The following GRM8 variants were observed in gnomAD, a reference collection of about 807,000 sequenced individuals.
GRM8 encodes the protein glutamate metabotropic receptor 8.
GRM8 carries 47 observed loss-of-function variants against 87.2 expected under a neutral mutation model. The ratio of observed to expected loss-of-function variants is 0.54; its 90% CI spans 0.43 to 0.69. The LOEUF (loss-of-function observed/expected upper bound fraction) is 0.69, where lower values mean the gene tolerates loss of function less well. GRM8 is among the 30% of genes least tolerant of loss of function. The probability of loss-of-function intolerance (pLI) is 0.00; values close to 1 mark genes in which losing one functional copy is unlikely to be tolerated. For missense variants in GRM8, 1,019 were observed against 1,139.2 expected (o/e 0.89, Z 1.52); for synonymous variants, 396 against 404.5 (o/e 0.98, Z 0.25).
At chr7:126,987,861 A>G (rs955253344) in intron 3 of GRM8, among the ~76,000 whole-genome samples, 11 of 152,170 alleles carry the variant, frequency 7.2e-5, no homozygotes, top group Non-Finnish European at 1.6e-4. Context: ...CTTCTTATCA[A>G]ATTACAACAC....
chr7:127,020,890 T>A (rs1473593333), intron 3 of GRM8, among the ~76,000 whole-genome samples: 1 of 152,020 alleles, frequency 6.6e-6, no homozygotes, highest in African/African-American at 2.4e-5. Context: ...AGATAGGAAA[T>A]TAAAGCTCCT....
At chr7:126,844,327 G>A (rs1446768937) in intron 6 of GRM8, among the ~76,000 whole-genome samples, 1 of 152,162 alleles carries the variant, frequency 6.6e-6, no homozygotes, top group Non-Finnish European at 1.5e-5. Flanking sequence ...GTGGGTCCAA[G>A]AATCTGTATT....
rs562992808 is a variant in GRM8, at chr7:126,493,130, C to G, written c.2430+39822G>C. Among the ~76,000 whole-genome samples, 9 of 152,062 alleles carry G rather than the reference C, an allele frequency of 5.9e-5. No homozygotes were observed. In the South Asian group the frequency reaches 1.9e-3, roughly 32 times the overall value. ...AACATTTTCATCTAGTAAAACTGCT[C>G]CACTATGGAATCCCCTTTCCCTTTT... On this transcript the variant is annotated intron_variant, in intron 9 of 10. Coordinates refer to ENST00000339582, the MANE Select transcript of GRM8 (RefSeq NM_000845.3).
intron 3 of GRM8, among the ~76,000 whole-genome samples, chr7:127,049,394 G>C (rs1819246893): frequency 6.6e-6 from 1 of 152,140 alleles, no homozygotes. Flanking sequence ...TATTCGTGTT[G>C]AGTTTGTAAA....
chr7:126,683,408 C>G (rs952984951), intron 7 of GRM8, among the ~76,000 whole-genome samples: 12 of 152,208 alleles, frequency 7.9e-5, no homozygotes, highest in African/African-American at 2.9e-4. Flanking sequence ...AGCTAAGGAG[C>G]TGAAACTCTT....
intron 3 of GRM8, among the ~76,000 whole-genome samples, chr7:127,047,134 T>A (rs887269936): frequency 3.9e-5 from 6 of 152,276 alleles, no homozygotes; most frequent in Admixed American, 6.5e-5. Flanking sequence ...CTGTTAAAAA[T>A]TTTTTTTAAA....
At chr7:127,147,689 G>A (rs1339024204) in intron 2 of GRM8, among the ~76,000 whole-genome samples, 3 of 151,996 alleles carry the variant, frequency 2.0e-5, no homozygotes, top group Non-Finnish European at 4.4e-5. Context: ...ATTAACCAAT[G>A]TAACTAATGC....
chr7:126,915,571 T>C (rs1358023274), intron 3 of GRM8, among the ~76,000 whole-genome samples: 2 of 152,172 alleles, frequency 1.3e-5, no homozygotes, highest in East Asian at 1.9e-4. Context: ...CTCACCACAA[T>C]AGAAATGAAT....
At chr7:126,617,240 G>A (rs1260258354) in intron 7 of GRM8, among the ~76,000 whole-genome samples, 5 of 152,128 alleles carry the variant, frequency 3.3e-5, no homozygotes, top group East Asian at 1.9e-4. Context: ...ATCAATAAAC[G>A]TAATCCAGCA....
At chr7:126,599,946 GAATA>G (rs1421221825) in intron 8 of GRM8, among the ~76,000 whole-genome samples, 3 of 152,202 alleles carry the variant, frequency 2.0e-5, no homozygotes, top group Admixed American at 6.6e-5. Context: ...TTTACAAAAT[GAATA>G]TATGAATGGA....
chr7:127,232,210 T>TGA (rs1341192007), intron 2 of GRM8, among the ~76,000 whole-genome samples: 29 of 146,104 alleles, frequency 2.0e-4, no homozygotes, highest in East Asian at 1.2e-3. Flanking sequence ...TGTGTGTGTG[T>TGA]GTGAGAGAGA....
intron 8 of GRM8, among the ~76,000 whole-genome samples, chr7:126,604,802 G>A (rs1381148920): frequency 6.6e-6 from 1 of 152,116 alleles, no homozygotes; most frequent in Non-Finnish European, 1.5e-5. Flanking sequence ...TATCCTGTCA[G>A]AAGTTTTTCT....
chr7:127,029,813 G>T (rs1016464718), intron 3 of GRM8, among the ~76,000 whole-genome samples: 5 of 151,814 alleles, frequency 3.3e-5, no homozygotes, highest in Admixed American at 3.3e-4. Flanking sequence ...GAGATGGGGA[G>T]CCTCCTTGTT....
chr7:127,155,811 T>A (rs1486781094), intron 2 of GRM8, among the ~76,000 whole-genome samples: 2 of 152,140 alleles, frequency 1.3e-5, no homozygotes, highest in African/African-American at 4.8e-5. Context: ...ATGAAATCAG[T>A]CCTGTCCTCC....
At chr7:126,545,656 ATG>A (rs1817064626) in intron 8 of GRM8, among the ~76,000 whole-genome samples, 1 of 152,178 alleles carries the variant, frequency 6.6e-6, no homozygotes, top group African/African-American at 2.4e-5. Context: ...TATGACTTAA[ATG>A]TTATACATAA....
At chr7:126,493,879 A>T (rs1160860398) in intron 9 of GRM8, among the ~76,000 whole-genome samples, 1 of 152,006 alleles carries the variant, frequency 6.6e-6, no homozygotes, top group Non-Finnish European at 1.5e-5. Context: ...GGCACTAGGA[A>T]TGCGTAACTC....
intron 3 of GRM8, among the ~76,000 whole-genome samples, chr7:126,968,509 G>C (rs1482681091): frequency 1.3e-5 from 2 of 152,074 alleles, no homozygotes; most frequent in African/African-American, 4.8e-5. Flanking sequence ...AGCATTAAAT[G>C]GTTAAGCTTT....
At chr7:126,691,906 G>C (rs1204548675) in intron 7 of GRM8, among the ~76,000 whole-genome samples, 1 of 152,102 alleles carries the variant, frequency 6.6e-6, no homozygotes, top group Non-Finnish European at 1.5e-5. Flanking sequence ...CTAGATCTTC[G>C]GGCCCTTTTA....
chr7:126,658,421 T>C (rs906943552), intron 7 of GRM8, among the ~76,000 whole-genome samples: 13 of 151,870 alleles, frequency 8.6e-5, no homozygotes, highest in Admixed American at 7.2e-4. Flanking sequence ...AACCAATGAG[T>C]AGGACTGGAT....
Sources: gnomAD v4.1 joint callset for allele counts (sites outside exome capture counted in the v4.1 genomes callset) on GRCh38, gnomAD v4.1.1 for gene constraint, MANE v1.5 for transcripts, NCBI Gene and HGNC (gene_info 2026-07-23, HGNC 2026-07-21) for gene names.